RNF19B: variants seen among roughly 807,000 people sequenced by gnomAD.
The protein encoded by RNF19B is E3 ubiquitin-protein ligase RNF19B.
A neutral mutation model predicts 65.5 loss-of-function variants in RNF19B; 23 were observed. That is an observed-to-expected ratio of 0.35 (90% CI 0.25 to 0.50). RNF19B has a LOEUF of 0.50. RNF19B is among the 20% of genes least tolerant of loss of function. RNF19B has a pLI of 0.98. For missense variants in RNF19B, 794 were observed against 980.0 expected (o/e 0.81, Z 2.53); for synonymous variants, 372 against 379.6 (o/e 0.98, Z 0.23).
intron 1 of RNF19B, among the ~76,000 whole-genome samples, chr1:32,954,844 G>A (rs1203908408): frequency 6.6e-6 from 1 of 151,868 alleles, no homozygotes; most frequent in Admixed American, 6.6e-5. Flanking sequence ...AAAACTGCAT[G>A]TGAGACCTTG....
chr1:32,958,051 A>G (rs529281087), intron 1 of RNF19B, among the ~76,000 whole-genome samples: 9 of 152,362 alleles, frequency 5.9e-5, no homozygotes, highest in African/African-American at 2.2e-4. Context: ...GTCTAGAGAC[A>G]TGAGCTCTCA....
rs571125170 is a variant in RNF19B at position 32,960,303 on chromosome 1, A to G, written c.635+3748T>C. ...GCCCCCCTCACCCTACCAAATGCAC[A>G]TACAAACAAGGCAGAGGGGAGACCT... is the stretch of plus-strand genomic sequence containing the variant. On this transcript the variant is annotated intron_variant, in intron 1 of 8. Transcript: ENST00000235150. Among the ~76,000 whole-genome samples the G allele has an allele frequency of 3.9e-5, 6 of 152,294 alleles. No homozygotes were observed. In the East Asian group the frequency reaches 9.6e-4, roughly 24 times the overall value.
chr1:32,938,553 T>C (rs377742727), intron 7 of RNF19B, 25 bp from the exon 8 acceptor site: 1 of 1,610,924 alleles, frequency 6.2e-7, no homozygotes, highest in Non-Finnish European at 8.5e-7. Flanking sequence ...GACGTTCAAG[T>C]TAATATGAGA....
At chr1:32,929,690 T>G in the RNF19B span, among the ~76,000 whole-genome samples, 1 of 152,332 alleles carries the variant, frequency 6.6e-6, no homozygotes, top group East Asian at 1.9e-4. Context: ...TTCAAGGGCT[T>G]CAGCTCTGAG....
intron 1 of RNF19B, among the ~76,000 whole-genome samples, chr1:32,950,090 C>CT (rs1642457883): frequency 6.6e-6 from 1 of 152,178 alleles, no homozygotes; most frequent in Non-Finnish European, 1.5e-5. Context: ...CTGCCACAGA[C>CT]TCCCTAGTAG....
Position 32,937,090 on chromosome 1 carries a change from G to T in RNF19B, c.1912C>A (p.His638Asn). 1 of 1,614,184 alleles carries T rather than the reference G, an allele frequency of 6.2e-7. No individual in the cohort carries two copies. The highest frequency in any genetic ancestry group is 8.5e-7 in the Non-Finnish European group (1 of 1,180,038). The change falls in exon 9 of 9, where the codon CAC becomes AAC. Residue 638 changes from histidine to asparagine, a missense_variant. Around this residue, in one of 3 missense-constraint regions of RNF19B, gnomAD observed 368 missense variants for 447.3 expected, o/e 0.82. Coordinates refer to ENST00000235150, the MANE Select transcript of RNF19B (RefSeq NM_001300826.2). ...GGSEEDPPCR[H>N]QSCEQKDCLA... ...CAGTCTTTCTGTTCACAGCTTTGGT[G>T]TCTGCAGGGGGGATCCTCTTCACTG...
At position 32,936,752 on chromosome 1, in the gene RNF19B, T is replaced by C; in HGVS notation, c.*54A>G. 6 of 1,396,636 alleles carry C rather than the reference T, an allele frequency of 4.3e-6. No individual in the cohort carries two copies. Among genetic ancestry groups the C allele is most frequent in the African/African-American group, 1.5e-5 (1 of 68,478 alleles). 86.5% of individuals were successfully genotyped at this position (1,396,636 alleles called of 1,614,324 possible). On this transcript the variant is annotated 3_prime_UTR_variant, in exon 9 of 9. Coordinates refer to ENST00000235150, the MANE Select transcript of RNF19B (RefSeq NM_001300826.2). ...CCCTTGGAAAAAAAAAAAAAAAAAT[T>C]CCAAAAGATGCAGTTACAAGTGTGC...
At chr1:32,944,614 G>A (rs961098299) in intron 5 of RNF19B, among the ~76,000 whole-genome samples, 1 of 152,104 alleles carries the variant, frequency 6.6e-6, no homozygotes, top group African/African-American at 2.4e-5. Context: ...TGGCTTAGCT[G>A]TTAAGAGAAC....
chr1:32,953,474 A>G (rs570375559), intron 1 of RNF19B, among the ~76,000 whole-genome samples: 58 of 152,274 alleles, frequency 3.8e-4, no homozygotes, highest in African/African-American at 1.3e-3. Context: ...TAGCAACTCA[A>G]GTTCTCAGGT....
At chr1:32,962,778 A>T (rs1642802135) in intron 1 of RNF19B, among the ~76,000 whole-genome samples, 1 of 152,208 alleles carries the variant, frequency 6.6e-6, no homozygotes, top group Admixed American at 6.5e-5. Flanking sequence ...GAATAAAATT[A>T]TCTGCCCAAG....
At chr1:32,960,675 G>T (rs974464863) in intron 1 of RNF19B, among the ~76,000 whole-genome samples, 1 of 151,758 alleles carries the variant, frequency 6.6e-6, no homozygotes, top group African/African-American at 2.4e-5. Context: ...CAAAACAAGG[G>T]AACCATGACA....
In RNF19B at chr1:32,964,418, C is replaced by T; in HGVS notation, c.268G>A (p.Ala90Thr). The change falls in exon 1 of 9, where the codon GCG (alanine) becomes ACG (threonine). Residue 90 changes from alanine (A) to threonine (T), a missense_variant. By Grantham distance (58) the Ala-to-Thr change is moderately conservative. Transcript: ENST00000235150. The surrounding 1 kb of genome is among the most constrained non-coding windows in gnomAD (Gnocchi z 6.5). ...LPAEPAAEAE[A>T]EAAAAAAEPG... The stretch of plus-strand genomic sequence containing the variant: ...TCCGCCGCCGCCGCCGCGGCCTCCG[C>T]CTCGGCCTCGGCGGCCGGCTCGGCG... 8.2e-7 allele frequency: 1 copy of T among 1,218,046 alleles called. No individual in the cohort carries two copies. The highest frequency in any genetic ancestry group is 1.0e-6 in the Non-Finnish European group (1 of 981,542). 75.5% of individuals were successfully genotyped at this position (1,218,046 alleles called of 1,614,324 possible).
At chr1:32,963,959 CT>C in intron 1 of RNF19B, 91 bp downstream of exon 1, 1 of 1,355,884 alleles carries the variant, frequency 7.4e-7, no homozygotes, top group Non-Finnish European at 9.4e-7. Context: ...GCGGGTTTCC[CT>C]GCTTGGGACA....
At position 32,964,403 on chromosome 1, in the gene RNF19B, C is replaced by G. The variant is rs1570134922; in HGVS notation, c.283G>C (p.Ala95Pro). ...AAEAEAEAAA[A>P]AAEPGFDDEE... The stretch of plus-strand genomic sequence containing the variant: ...TCGTCGAACCCAGGCTCCGCCGCCG[C>G]CGCCGCGGCCTCCGCCTCGGCCTCG... The change falls in exon 1 of 9, where the codon GCG (alanine) becomes CCG (proline). Residue 95 changes from alanine to proline, a missense_variant. Physicochemically the swap from Ala to Pro is conservative, Grantham distance 27. Transcript: ENST00000235150. This position sits in a 1 kb window ranked among gnomAD's most constrained non-coding sequence, Gnocchi z 6.5. The G allele has an allele frequency of 3.9e-6, 5 of 1,284,012 alleles. No individual in the cohort carries two copies. Among genetic ancestry groups the G allele is most frequent in the Non-Finnish European group, 4.9e-6 (5 of 1,017,520 alleles). 79.5% of individuals were successfully genotyped at this position (1,284,012 alleles called of 1,614,324 possible). A position where few individuals can be genotyped will look rare whatever the true frequency, so the allele number is the denominator to read the frequency against.
Position 32,936,607 on chromosome 1 carries a change from G to A in RNF19B, c.*199C>T, listed in dbSNP as rs1346718794. The A allele has an allele frequency of 5.8e-6, 3 of 516,052 alleles. No individual in the cohort carries two copies. The highest frequency in any genetic ancestry group is 3.8e-5 in the Admixed American group (1 of 26,572). 32.0% of individuals were successfully genotyped at this position (516,052 alleles called of 1,614,324 possible). Reference sequence around the variant, plus strand: ...AACTAAAAAGAGGGAGGGGAGGGGAGGGGAACTAACGGCAAACTTTTCATG... The same window carrying A: ...AACTAAAAAGAGGGAGGGGAGGGGAAGGGAACTAACGGCAAACTTTTCATG... On this transcript the variant is annotated 3_prime_UTR_variant, in exon 9 of 9. Coordinates refer to ENST00000235150, the MANE Select transcript of RNF19B (RefSeq NM_001300826.2).
At chr1:32,959,984 G>A (rs377755383) in intron 1 of RNF19B, among the ~76,000 whole-genome samples, 1 of 151,630 alleles carries the variant, frequency 6.6e-6, no homozygotes, top group South Asian at 2.1e-4. Flanking sequence ...CCGGCAGGCA[G>A]AGCTTGCACT....
intron 1 of RNF19B, among the ~76,000 whole-genome samples, chr1:32,953,180 C>G (rs904810019): frequency 6.6e-6 from 1 of 151,210 alleles, no homozygotes; most frequent in African/African-American, 2.4e-5. Flanking sequence ...TGCTATGTTG[C>G]CCAGGCTGGT....
downstream of RNF19B, among the ~76,000 whole-genome samples, chr1:32,931,682 T>C (rs1018850583): frequency 2.6e-5 from 4 of 152,254 alleles, no homozygotes; most frequent in African/African-American, 9.6e-5. Flanking sequence ...CTACAAAAGA[T>C]AAAATTCTTT....
chr1:32,948,484 A>T (rs1392394253), intron 2 of RNF19B, 121 bp from the exon 3 acceptor site: 5 of 1,027,570 alleles, frequency 4.9e-6, no homozygotes, highest in Non-Finnish European at 6.9e-6. Context: ...TTCACTGAAC[A>T]CTCCAAATTG....
Sources: allele counts gnomAD v4.1 joint callset (sites outside exome capture counted in the v4.1 genomes callset), GRCh38; gene constraint gnomAD v4.1.1; regional missense constraint gnomAD v4.1.1; non-coding constraint Gnocchi (gnomAD v3.1); transcripts MANE v1.5; gene names NCBI Gene and HGNC (gene_info 2026-07-23, HGNC 2026-07-21).